MAGI1: variants seen among roughly 807,000 people sequenced by gnomAD.
MAGI1 encodes the protein membrane-associated guanylate kinase, WW and PDZ domain-containing protein 1.
MAGI1 carries 58 observed loss-of-function variants against 139.9 expected under a neutral mutation model. The observed-to-expected ratio is 0.41, with a 90% confidence interval of 0.34 to 0.52. The LOEUF is 0.52. Ranked by LOEUF, MAGI1 falls within the 20% of genes least tolerant of loss-of-function variation. The probability of loss-of-function intolerance (pLI) is 0.12; values close to 1 mark genes in which losing one functional copy is unlikely to be tolerated. For missense variants in MAGI1, 1,874 were observed against 1,901.6 expected, an observed-to-expected ratio of 0.99 and a Z score of 0.27; for synonymous variants, 812 against 737.9, an observed-to-expected ratio of 1.10 and a Z score of -1.63.
At chr3:65,565,256 G>A (rs935160760) in intron 2 of MAGI1, among the ~76,000 whole-genome samples, 8 of 152,080 alleles carry the variant, frequency 5.3e-5, no homozygotes, top group Non-Finnish European at 7.4e-5. Context: ...TCAGGTGCAG[G>A]CTAACTCCAA....
chr3:65,839,687 G>A (rs536100386), intron 1 of MAGI1, among the ~76,000 whole-genome samples: 55 of 152,262 alleles, frequency 3.6e-4, no homozygotes, highest in African/African-American at 1.3e-3. Flanking sequence ...GACATAGGGC[G>A]TGGAGAAGAA....
chr3:65,780,239 G>A (rs1185888313), intron 1 of MAGI1, among the ~76,000 whole-genome samples: 1 of 152,118 alleles, frequency 6.6e-6, no homozygotes, highest in Non-Finnish European at 1.5e-5. Flanking sequence ...GCCCAGGCTG[G>A]TCTCAAACTC....
chr3:65,903,180 T>C lies in MAGI1; in HGVS notation c.313+134816A>G, dbSNP rs147493953. On this transcript the variant is annotated intron_variant, in intron 1 of 22. Transcript: ENST00000402939. ...CAGCCAATGTTGTTTATTTTTTGTA[T>C]AGACAGGGTCTCTATGGTGCCCAGG... is the stretch of plus-strand genomic sequence containing the variant. Among the ~76,000 whole-genome samples the C allele has an allele frequency of 1.2e-4, 19 of 152,292 alleles. No individual in the cohort carries two copies. The East Asian group carries it at 3.7e-3, about 30-fold the overall frequency.
intron 1 of MAGI1, among the ~76,000 whole-genome samples, chr3:65,864,865 A>G (rs937576127): frequency 3.9e-5 from 6 of 152,238 alleles, no homozygotes; most frequent in African/African-American, 1.4e-4. Context: ...GGGAAAATCA[A>G]TATTTTTAAA....
chr3:65,737,836 G>C (rs906831828), intron 1 of MAGI1, among the ~76,000 whole-genome samples: 1 of 152,070 alleles, frequency 6.6e-6, no homozygotes, highest in East Asian at 1.9e-4. Context: ...ATGGAAGCCT[G>C]AAGTTTCACT....
chr3:65,509,302 C>G (rs1259657266), intron 2 of MAGI1, among the ~76,000 whole-genome samples: 4 of 152,160 alleles, frequency 2.6e-5, no homozygotes, highest in African/African-American at 9.7e-5. Flanking sequence ...TGGGGAGGAG[C>G]CAAGATGGCC....
At chr3:65,361,664 G>C (rs1326381520) in intron 21 of MAGI1, among the ~76,000 whole-genome samples, 1 of 152,202 alleles carries the variant, frequency 6.6e-6, no homozygotes, top group Admixed American at 6.5e-5. Flanking sequence ...CCCTGCCTTT[G>C]AATGTGAGCT....
At chr3:65,866,428 A>G (rs948826487) in intron 1 of MAGI1, among the ~76,000 whole-genome samples, 1 of 152,008 alleles carries the variant, frequency 6.6e-6, no homozygotes, top group Non-Finnish European at 1.5e-5. Context: ...CACTAAAAGA[A>G]AAAGGAAAAG....
intron 1 of MAGI1, among the ~76,000 whole-genome samples, chr3:65,775,676 C>T (rs1461824491): frequency 6.6e-6 from 1 of 151,886 alleles, no homozygotes; most frequent in East Asian, 1.9e-4. Context: ...CACAGTAGCC[C>T]ACACCTGTAA....
At chr3:65,999,908 T>C (rs1349207658) in intron 1 of MAGI1, among the ~76,000 whole-genome samples, 1 of 150,700 alleles carries the variant, frequency 6.6e-6, no homozygotes, top group African/African-American at 2.4e-5. Context: ...GACATTTTAG[T>C]TAAACTAGGT....
intron 1 of MAGI1, among the ~76,000 whole-genome samples, chr3:65,781,640 G>C (rs1317396862): frequency 6.6e-6 from 1 of 152,194 alleles, no homozygotes; most frequent in Non-Finnish European, 1.5e-5. Context: ...AAATTGACTT[G>C]ACATTAAACT....
intron 1 of MAGI1, among the ~76,000 whole-genome samples, chr3:65,733,348 C>T (rs899004210): frequency 1.3e-5 from 2 of 152,188 alleles, no homozygotes; most frequent in African/African-American, 4.8e-5. Context: ...GCGTGAGCCA[C>T]CGTGCCCAGC....
At position 65,416,966 on chromosome 3, in the gene MAGI1, C is replaced by T. The variant is rs371325406; in HGVS notation, c.2167+12554G>A. Among the ~76,000 whole-genome samples the T allele has an allele frequency of 1.3e-4, 20 of 152,254 alleles. No individual in the cohort carries two copies. The East Asian group carries it at 3.9e-3, about 29-fold the overall frequency. On this transcript the variant is annotated intron_variant, in intron 12 of 22. Coordinates refer to ENST00000402939, the MANE Select transcript of MAGI1 (RefSeq NM_001033057.2). ...TAAGCACCATGGCAAATACTTCCCT[C>T]CAGATGGTGGTAAAGAACGTGTGAT... is the stretch of plus-strand genomic sequence containing the variant.
chr3:65,798,933 G>A (rs538043017), intron 1 of MAGI1, among the ~76,000 whole-genome samples: 2 of 152,128 alleles, frequency 1.3e-5, no homozygotes, highest in African/African-American at 4.8e-5. Flanking sequence ...TCACATATCG[G>A]CCACCTCAGT....
At position 65,548,511 on chromosome 3, in the gene MAGI1, C is replaced by CTTTTTTTTTT. The variant is rs1170215972; in HGVS notation, c.431-54890_431-54881dup. Among the ~76,000 whole-genome samples, 72 of 87,374 alleles carry CTTTTTTTTTT rather than the reference C, an allele frequency of 8.2e-4. 6 individuals carry two copies. The highest frequency in any genetic ancestry group is 2.9e-3 in the African/African-American group (61 of 21,292). The allele number at this position is 87,374 out of a possible 152,430, so 57.3% of individuals were successfully genotyped here. A position where few individuals can be genotyped will look rare whatever the true frequency, so the allele number is the denominator to read the frequency against. On this transcript the variant is annotated intron_variant, in intron 2 of 22. Coordinates refer to ENST00000402939, the MANE Select transcript of MAGI1 (RefSeq NM_001033057.2). The stretch of plus-strand genomic sequence containing the variant: ...AGCCCAGCTTTATGCAAACAACACT[C>CTTTTTTTTTT]TTTTTTTTTTTTTTTTTTTTTTTTT...
intron 18 of MAGI1, among the ~76,000 whole-genome samples, chr3:65,374,258 C>T: frequency 6.6e-6 from 1 of 150,534 alleles, no homozygotes; most frequent in East Asian, 2.0e-4. Flanking sequence ...AGTGAATATT[C>T]AGGAACTAAT....
chr3:65,399,717 T>C (rs909766240), intron 13 of MAGI1, among the ~76,000 whole-genome samples: 2 of 152,210 alleles, frequency 1.3e-5, no homozygotes, highest in African/African-American at 2.4e-5. Flanking sequence ...TTAACTGTCA[T>C]AGGGAATTCT....
chr3:65,778,819 C>T (rs2038695635), intron 1 of MAGI1, among the ~76,000 whole-genome samples: 1 of 152,186 alleles, frequency 6.6e-6, no homozygotes, highest in Admixed American at 6.5e-5. Context: ...GATCAAGTTC[C>T]TATTAATAAT....
chr3:65,784,031 G>C (rs1393779320), intron 1 of MAGI1, among the ~76,000 whole-genome samples: 3 of 152,068 alleles, frequency 2.0e-5, no homozygotes. Flanking sequence ...GCTGAGGCAG[G>C]AGAATCCCTT....
Sources: gnomAD v4.1 joint callset for allele counts (sites outside exome capture counted in the v4.1 genomes callset) on GRCh38, gnomAD v4.1.1 for gene constraint, MANE v1.5 for transcripts, NCBI Gene and HGNC (gene_info 2026-07-23, HGNC 2026-07-21) for gene names.